RFPL1: variants seen among roughly 807,000 people sequenced by gnomAD.
RFPL1 encodes ret finger protein-like 1.
RFPL1 carries 6 observed loss-of-function variants against 9.6 expected under a neutral mutation model. The observed-to-expected ratio is 0.62, with a 90% CI of 0.34 to 1.23. RFPL1 has a LOEUF of 1.23. Ranked by LOEUF, RFPL1 falls within the 50% of genes most tolerant of loss-of-function variation. The pLI, the probability that RFPL1 is intolerant of heterozygous loss-of-function variation, is 0.03. For missense variants in RFPL1, 352 were observed against 398.4 expected (o/e 0.88, Z 0.99); for synonymous variants, 145 against 149.4 (o/e 0.97, Z 0.22).
chr22:29,396,321 T>A, the RFPL1 span, among the ~76,000 whole-genome samples: 8 of 152,208 alleles, frequency 5.3e-5, no homozygotes, highest in Non-Finnish European at 1.0e-4. Context: ...GGCTTGAGGC[T>A]GTGTGTTAGA....
the RFPL1 span, among the ~76,000 whole-genome samples, chr22:29,429,062 A>AT: frequency 6.6e-6 from 1 of 152,054 alleles, no homozygotes. Context: ...TTTGTCTTTC[A>AT]TTTTTTTGTT....
At chr22:29,434,714 A>G (rs139158165), upstream of RFPL1, 335 of 153,974 alleles carry the variant, frequency 2.2e-3, 2 homozygotes, top group African/African-American at 7.7e-3. Context: ...GACTGTGGGT[A>G]TGAGGAAAGA....
the RFPL1 span, among the ~76,000 whole-genome samples, chr22:29,415,827 C>T: frequency 6.6e-6 from 1 of 152,152 alleles, no homozygotes; most frequent in Non-Finnish European, 1.5e-5. Context: ...GTAAGCAAGG[C>T]AAGTATTTCT....
the RFPL1 span, among the ~76,000 whole-genome samples, chr22:29,399,571 C>T: frequency 6.6e-6 from 1 of 152,298 alleles, no homozygotes; most frequent in East Asian, 1.9e-4. Flanking sequence ...CGGGTCTTTT[C>T]CCCTTCCACT....
the RFPL1 span, among the ~76,000 whole-genome samples, chr22:29,392,378 CTTTTTTTTTTTTTTTTTTTT>C: frequency 1.1e-4 from 5 of 46,272 alleles, no homozygotes; most frequent in African/African-American, 3.7e-4. Context: ...CCACACCTGG[CTTTTTTTTTTTTTTTTTTTT>C]TTTTTTTTTT....
the RFPL1 span, among the ~76,000 whole-genome samples, chr22:29,431,748 C>T: frequency 8.1e-3 from 1,227 of 150,580 alleles, 14 homozygotes; most frequent in African/African-American, 0.028. Flanking sequence ...TGCAGTGGTG[C>T]GATCTCAGCT....
At chr22:29,405,965 C>T in the RFPL1 span, among the ~76,000 whole-genome samples, 2 of 150,182 alleles carry the variant, frequency 1.3e-5, no homozygotes, top group Non-Finnish European at 3.0e-5. Context: ...AAAAATTAGC[C>T]GGGCGCGGTG....
intron 1 of RFPL1, 175 bp from the exon 2 acceptor site, chr22:29,441,367 A>C (rs1451259435): frequency 4.3e-6 from 3 of 700,842 alleles, no homozygotes; most frequent in Non-Finnish European, 7.1e-6. Flanking sequence ...GCCACAAAGC[A>C]TACCTATGAG....
chr22:29,401,837 T>C, the RFPL1 span, among the ~76,000 whole-genome samples: 5 of 152,228 alleles, frequency 3.3e-5, no homozygotes, highest in African/African-American at 4.8e-5. Flanking sequence ...CATCTAATTT[T>C]GGGTCAGATA....
At chr22:29,389,685 C>CA in the RFPL1 span, among the ~76,000 whole-genome samples, 4,681 of 75,368 alleles carry the variant, frequency 0.062, 128 homozygotes, top group African/African-American at 0.12. Context: ...GACTCCGTCT[C>CA]AAAAAAAAAA....
At chr22:29,434,020 CAT>C (rs1555942862), upstream of RFPL1, among the ~76,000 whole-genome samples, 1 of 151,924 alleles carries the variant, frequency 6.6e-6, no homozygotes, top group East Asian at 1.9e-4. Flanking sequence ...CACACACACA[CAT>C]ACACACAAAT....
chr22:29,431,794 G>A, the RFPL1 span, among the ~76,000 whole-genome samples: 3 of 151,754 alleles, frequency 2.0e-5, no homozygotes, highest in Non-Finnish European at 4.4e-5. Context: ...CGATTCAAGT[G>A]ATTCTCCTGC....
At chr22:29,391,461 A>G in the RFPL1 span, among the ~76,000 whole-genome samples, 2 of 152,200 alleles carry the variant, frequency 1.3e-5, no homozygotes, top group African/African-American at 4.8e-5. Context: ...CACCCGCCTC[A>G]GTGGAAAACA....
chr22:29,427,706 G>A, the RFPL1 span, among the ~76,000 whole-genome samples: 1 of 152,186 alleles, frequency 6.6e-6, no homozygotes, highest in African/African-American at 2.4e-5. Flanking sequence ...ACATGAGATT[G>A]TAAGAGCTGG....
chr22:29,399,554 A>C, the RFPL1 span, among the ~76,000 whole-genome samples: 2 of 152,220 alleles, frequency 1.3e-5, no homozygotes, highest in African/African-American at 4.8e-5. Context: ...CTGAAACTGA[A>C]CTTTATCGGG....
At chr22:29,395,999 AAAGAG>A in the RFPL1 span, among the ~76,000 whole-genome samples, 7 of 152,098 alleles carry the variant, frequency 4.6e-5, no homozygotes, top group South Asian at 8.3e-4. Context: ...AAATAAGAGA[AAAGAG>A]AAGAGAAGAG....
chr22:29,394,967 C>T, the RFPL1 span, among the ~76,000 whole-genome samples: 1 of 152,116 alleles, frequency 6.6e-6, no homozygotes, highest in African/African-American at 2.4e-5. Context: ...AGAGTTCGTG[C>T]GGTCTCGTGA....
the RFPL1 span, among the ~76,000 whole-genome samples, chr22:29,407,017 A>C: frequency 1.3e-5 from 2 of 152,104 alleles, no homozygotes; most frequent in African/African-American, 4.8e-5. Context: ...AAATGCATTA[A>C]ATCAATGGTA....
At chr22:29,438,002 A>G, upstream of RFPL1, 1 of 308,214 alleles carries the variant, frequency 3.2e-6, no homozygotes, top group South Asian at 3.1e-5. Context: ...TCTGTTGTCC[A>G]GGTTGGAGTG....
Sources: allele counts gnomAD v4.1 joint callset (sites outside exome capture counted in the v4.1 genomes callset), GRCh38; gene constraint gnomAD v4.1.1; transcripts MANE v1.5; gene names NCBI Gene and HGNC (gene_info 2026-07-23, HGNC 2026-07-21).